ZMYM1: variants seen among roughly 807,000 people sequenced by gnomAD.
ZMYM1 encodes zinc finger MYM-type containing 1.
A neutral mutation model predicts 60.0 loss-of-function variants in ZMYM1; 39 were observed. The observed-to-expected ratio is 0.65, with a 90% CI of 0.50 to 0.85. The LOEUF (loss-of-function observed/expected upper bound fraction) is 0.85. Among genes scored for constraint, ZMYM1 ranks in the 40% least tolerant of loss-of-function variants. The pLI is 0.00. For missense variants in ZMYM1, 1,171 were observed against 1,309.5 expected (o/e 0.89, Z 1.63); for synonymous variants, 413 against 454.0 (o/e 0.91, Z 1.15).
At chr1:35,097,732 C>T in intron 4 of ZMYM1, 166 bp downstream of exon 4, 1 of 752,464 alleles carries the variant, frequency 1.3e-6, no homozygotes. Context: ...GCAACTTCCA[C>T]CTCCTGGGTT....
intron 8 of ZMYM1, 31 bp from the exon 9 acceptor site, chr1:35,112,056 A>T: frequency 6.2e-7 from 1 of 1,607,824 alleles, no homozygotes; most frequent in Non-Finnish European, 8.5e-7. Flanking sequence ...TATAGTATAT[A>T]AGATCTTGAA....
At position 35,115,397 on chromosome 1, in the gene ZMYM1, C is replaced by T; in HGVS notation, c.*138C>T. 1 of 1,060,268 alleles carries T rather than the reference C, an allele frequency of 9.4e-7. No homozygotes were observed. The highest frequency in any genetic ancestry group is 1.8e-5 in the South Asian group (1 of 55,226). 65.7% of individuals were successfully genotyped at this position (1,060,268 alleles called of 1,614,324 possible). A position where few individuals can be genotyped will look rare whatever the true frequency, so the allele number is the denominator to read the frequency against. On this transcript the variant is annotated 3_prime_UTR_variant, in exon 10 of 10. Transcript: ENST00000359858. Reference sequence around the variant, plus strand: ...CCTCCTTTAGAACTCATTTTCTCTTCCCAAAAAGTGTTATCTTTTCCTTAA... The same window carrying T: ...CCTCCTTTAGAACTCATTTTCTCTTTCCAAAAAGTGTTATCTTTTCCTTAA...
intron 1 of ZMYM1, among the ~76,000 whole-genome samples, chr1:35,087,321 C>T (rs571646815): frequency 2.8e-4 from 42 of 151,884 alleles, no homozygotes; most frequent in Non-Finnish European, 5.1e-4. Flanking sequence ...GTAGTTTGAA[C>T]CATCAGGGTT....
At position 35,104,589 on chromosome 1, in the gene ZMYM1, A is replaced by G. The variant is rs1434068683; in HGVS notation, c.627A>G (p.Lys209=). 1 of 1,614,174 alleles carries G rather than the reference A, an allele frequency of 6.2e-7. No homozygotes were observed. The highest frequency in any genetic ancestry group is 2.2e-5 in the East Asian group (1 of 44,870). Reference sequence around the variant, plus strand: ...ATGAAGTAAAATACCAAAATGTGAAACATAATCTTTGCAGTAATGCCTGCC... The same window carrying G: ...ATGAAGTAAAATACCAAAATGTGAAGCATAATCTTTGCAGTAATGCCTGCC... The part of the protein sequence containing the change: ...IQYEVKYQNV[K]HNLCSNACLS... Residue 209 remains lysine, a synonymous_variant, in exon 6 of 10, where the codon AAA becomes AAG. Coordinates refer to ENST00000359858, the MANE Select transcript of ZMYM1 (RefSeq NM_024772.5).
chr1:35,087,835 G>A (rs140708468), intron 1 of ZMYM1, among the ~76,000 whole-genome samples: 5 of 152,112 alleles, frequency 3.3e-5, no homozygotes, highest in South Asian at 4.2e-4. Context: ...GGCTGAGGCC[G>A]GTGGATCATG....
chr1:35,116,848 T>A (rs868783266), downstream of ZMYM1, among the ~76,000 whole-genome samples: 712 of 135,934 alleles, frequency 5.2e-3, 15 homozygotes, highest in African/African-American at 0.018. Flanking sequence ...TTTTTTTTTT[T>A]TTTTTTTTTT....
chr1:35,075,005 C>T (rs112127284), upstream of ZMYM1, among the ~76,000 whole-genome samples: 5,402 of 151,904 alleles, frequency 0.036, 284 homozygotes, highest in African/African-American at 0.11. Context: ...GGACTACAGG[C>T]GCCCGTCACT....
At chr1:35,084,628 T>C (rs1490870196) in intron 1 of ZMYM1, among the ~76,000 whole-genome samples, 2 of 152,218 alleles carry the variant, frequency 1.3e-5, no homozygotes, top group Admixed American at 1.3e-4. Context: ...ATCCAGGTCT[T>C]TACCAAAACC....
intron 1 of ZMYM1, among the ~76,000 whole-genome samples, chr1:35,067,189 G>C (rs918814667): frequency 9.2e-5 from 14 of 152,174 alleles, no homozygotes; most frequent in Admixed American, 6.5e-4. Flanking sequence ...ATGTTGACCA[G>C]GTTGGTCTTG....
intron 1 of ZMYM1, among the ~76,000 whole-genome samples, chr1:35,088,434 GTATATA>G (rs58346528): frequency 0.017 from 1,183 of 68,038 alleles, 35 homozygotes; most frequent in East Asian, 0.058. Context: ...GTGTTTATGT[GTATATA>G]TATATATATA....
Position 35,110,416 on chromosome 1 carries a change from A to G in ZMYM1, c.930A>G (p.Ala310=), listed in dbSNP as rs771089459. 7.7e-6 allele frequency: 12 copies of G among 1,563,636 alleles called. No individual in the cohort carries two copies. The highest frequency in any genetic ancestry group is 1.0e-5 in the Non-Finnish European group (12 of 1,157,216). Residue 310 remains alanine (A), a synonymous_variant, in exon 7 of 10, where the codon GCA becomes GCG. Transcript: ENST00000359858. The part of the protein sequence containing the change: ...ELFCSINCFS[A]YSKAKMESSS... ...TCTGCTCTATTAATTGTTTCTCTGC[A>G]TACAGTAAAGCTAAGATGGAATCTT...
intron 7 of ZMYM1, among the ~76,000 whole-genome samples, chr1:35,111,486 T>A (rs1001134056): frequency 6.6e-6 from 1 of 152,126 alleles, no homozygotes; most frequent in African/African-American, 2.4e-5. Flanking sequence ...CACAGAAAAA[T>A]TTGCTCATAA....
At chr1:35,101,977 T>C (rs1226484402) in intron 4 of ZMYM1, among the ~76,000 whole-genome samples, 1 of 152,210 alleles carries the variant, frequency 6.6e-6, no homozygotes, top group Non-Finnish European at 1.5e-5. Context: ...TATCAAAAAT[T>C]AAATGACATT....
chr1:35,076,830 G>C (rs1346613591), upstream of ZMYM1, among the ~76,000 whole-genome samples: 12 of 151,482 alleles, frequency 7.9e-5, no homozygotes, highest in Admixed American at 7.9e-4. Context: ...TACTTGAGAG[G>C]CTGCAGCAGG....
In ZMYM1 at chr1:35,115,177, A is replaced by C. The variant is rs761862059; in HGVS notation, c.3347A>C (p.Gln1116Pro). The change falls in exon 10 of 10, where the codon CAG becomes CCG. Residue 1116 changes from glutamine to proline, a missense_variant. Coordinates refer to ENST00000359858, the MANE Select transcript of ZMYM1 (RefSeq NM_024772.5). ...GGCCCAGCCCTAATGGCTGTTGAGC[A>C]GGAGTTGGTAAATAAACTAATGGAG... ...LTGPALMAVE[Q>P]ELVNKLMEPE... 6 of 1,613,348 alleles carry C rather than the reference A, an allele frequency of 3.7e-6. No individual in the cohort carries two copies. Among genetic ancestry groups the C allele is most frequent in the Non-Finnish European group, 3.4e-6 (4 of 1,179,842 alleles).
chr1:35,064,345 C>G (rs1641931375), intron 1 of ZMYM1, among the ~76,000 whole-genome samples: 1 of 145,136 alleles, frequency 6.9e-6, no homozygotes, highest in Non-Finnish European at 1.5e-5. Flanking sequence ...ATAGACAAAT[C>G]CACAATTATA....
intron 7 of ZMYM1, 52 bp downstream of exon 7, chr1:35,110,499 T>A (rs777927838): frequency 2.7e-4 from 326 of 1,229,410 alleles, no homozygotes; most frequent in Non-Finnish European, 3.1e-4. Flanking sequence ...ATAAATAATA[T>A]TATTTGACTT....
chr1:35,069,450 T>C (rs1328996361), intron 1 of ZMYM1, among the ~76,000 whole-genome samples: 1 of 152,202 alleles, frequency 6.6e-6, no homozygotes, highest in South Asian at 2.1e-4. Flanking sequence ...TGTTTTTTTG[T>C]TGTTGAGTTA....
intron 1 of ZMYM1, among the ~76,000 whole-genome samples, chr1:35,063,663 A>G (rs1569834049): frequency 6.6e-6 from 1 of 152,102 alleles, no homozygotes; most frequent in Admixed American, 6.5e-5. Context: ...AACAACAACA[A>G]AAAAATGTAG....
Sources: gnomAD v4.1 joint callset for allele counts (sites outside exome capture counted in the v4.1 genomes callset) on GRCh38, gnomAD v4.1.1 for gene constraint, MANE v1.5 for transcripts, NCBI Gene and HGNC (gene_info 2026-07-23, HGNC 2026-07-21) for gene names.